Variants in GULP1 observed in about 807,000 individuals in gnomAD.
GULP1 encodes PTB domain-containing engulfment adapter protein 1.
A neutral mutation model predicts 40.9 loss-of-function variants in GULP1; 19 were observed. The observed-to-expected ratio is 0.46, with a 90% CI of 0.32 to 0.68. The LOEUF (loss-of-function observed/expected upper bound fraction) is 0.68, where lower values mean the gene tolerates loss of function less well. GULP1 is among the 30% of genes least tolerant of loss of function. The probability of loss-of-function intolerance (pLI) is 0.03; values close to 1 mark genes in which losing one functional copy is unlikely to be tolerated. For missense variants in GULP1, 312 were observed against 362.2 expected (o/e 0.86, Z 1.12); for synonymous variants, 119 against 117.6 (o/e 1.01, Z -0.08).
chr2:188,311,300 G>A (rs1362157364), intron 1 of GULP1, among the ~76,000 whole-genome samples: 2 of 152,130 alleles, frequency 1.3e-5, no homozygotes, highest in Non-Finnish European at 2.9e-5. Context: ...GGGTTCAAGC[G>A]ATTCTCCTGC....
chr2:188,411,654 A>T (rs995838894), intron 2 of GULP1, among the ~76,000 whole-genome samples: 2 of 152,208 alleles, frequency 1.3e-5, no homozygotes, highest in African/African-American at 4.8e-5. Flanking sequence ...TTTCATCCAC[A>T]TACCTCTTCC....
intron 2 of GULP1, among the ~76,000 whole-genome samples, chr2:188,463,421 C>A (rs1394194746): frequency 6.6e-6 from 1 of 152,090 alleles, no homozygotes; most frequent in African/African-American, 2.4e-5. Context: ...TGTTTCTTTT[C>A]TCTTGCTGCT....
chr2:188,466,119 A>C (rs1575436094), intron 2 of GULP1, among the ~76,000 whole-genome samples: 1 of 152,032 alleles, frequency 6.6e-6, no homozygotes, highest in African/African-American at 2.4e-5. Flanking sequence ...TGCAATGCAA[A>C]GGTCACCAGT....
At chr2:188,519,250 T>G (rs1400679258) in intron 4 of GULP1, among the ~76,000 whole-genome samples, 4 of 152,210 alleles carry the variant, frequency 2.6e-5, no homozygotes, top group Admixed American at 2.6e-4. Context: ...AAAGCTAATG[T>G]GAAATAAACA....
chr2:188,565,855 T>G (rs12987561), intron 7 of GULP1, among the ~76,000 whole-genome samples: 22,355 of 152,084 alleles, frequency 0.15, 2,190 homozygotes, highest in Middle Eastern at 0.23. Flanking sequence ...ACAAAACCAA[T>G]GTGTTATTGA....
intron 1 of GULP1, among the ~76,000 whole-genome samples, chr2:188,339,709 A>C (rs1296894398): frequency 6.6e-6 from 1 of 152,164 alleles, no homozygotes; most frequent in African/African-American, 2.4e-5. Flanking sequence ...GGGTACATGA[A>C]GGTTTACTAT....
intron 2 of GULP1, among the ~76,000 whole-genome samples, chr2:188,428,476 T>C (rs1369747244): frequency 6.6e-6 from 1 of 151,730 alleles, no homozygotes; most frequent in Non-Finnish European, 1.5e-5. Context: ...TGGTGGGAGG[T>C]GATTTGATTA....
At chr2:188,407,480 A>G (rs1444146927) in intron 2 of GULP1, among the ~76,000 whole-genome samples, 1 of 152,200 alleles carries the variant, frequency 6.6e-6, no homozygotes, top group Non-Finnish European at 1.5e-5. Flanking sequence ...GTGTAAAAGG[A>G]TGTAAATTAT....
At chr2:188,363,350 G>A (rs1363988871) in intron 1 of GULP1, among the ~76,000 whole-genome samples, 2 of 152,070 alleles carry the variant, frequency 1.3e-5, no homozygotes, top group Non-Finnish European at 2.9e-5. Flanking sequence ...CAATGGATTG[G>A]AACTAGCAAA....
chr2:188,465,303 A>T (rs2152981671), intron 2 of GULP1, among the ~76,000 whole-genome samples: 1 of 152,124 alleles, frequency 6.6e-6, no homozygotes, highest in Non-Finnish European at 1.5e-5. Context: ...TAGAAATGTC[A>T]TCAGGAAGCT....
chr2:188,400,438 A>G (rs2052061129), intron 2 of GULP1, among the ~76,000 whole-genome samples: 1 of 152,184 alleles, frequency 6.6e-6, no homozygotes, highest in South Asian at 2.1e-4. Flanking sequence ...AGTGGGGTAC[A>G]TTGTTCTGTT....
chr2:188,359,316 G>A (rs547857896), intron 1 of GULP1, among the ~76,000 whole-genome samples: 34 of 152,220 alleles, frequency 2.2e-4, no homozygotes, highest in African/African-American at 7.9e-4. Flanking sequence ...TGTAGTCACT[G>A]ATAATTATTT....
At chr2:188,389,711 C>T (rs72909568) in intron 2 of GULP1, among the ~76,000 whole-genome samples, 1,737 of 152,172 alleles carry the variant, frequency 0.011, 13 homozygotes, top group Non-Finnish European at 0.02. Flanking sequence ...ACACTTGTCA[C>T]CTGAGTAGTG....
intron 11 of GULP1, chr2:188,590,215 C>T (rs1703248429): frequency 6.6e-6 from 1 of 152,246 alleles, no homozygotes; most frequent in Non-Finnish European, 1.5e-5. Flanking sequence ...CTCAAGCGAT[C>T]TACCCACTTA....
chr2:188,555,850 G>T (rs1207429750), intron 7 of GULP1, among the ~76,000 whole-genome samples: 1 of 151,892 alleles, frequency 6.6e-6, no homozygotes, highest in Non-Finnish European at 1.5e-5. Flanking sequence ...AATGAGGTCA[G>T]GAGTTTGAGA....
intron 2 of GULP1, among the ~76,000 whole-genome samples, chr2:188,454,078 G>T (rs1041650272): frequency 1.3e-5 from 2 of 152,218 alleles, no homozygotes; most frequent in Non-Finnish European, 2.9e-5. Flanking sequence ...CCTGCCGCTG[G>T]AGGTACCCTG....
At chr2:188,329,600 G>T (rs926569002) in intron 1 of GULP1, among the ~76,000 whole-genome samples, 1 of 152,114 alleles carries the variant, frequency 6.6e-6, no homozygotes, top group Non-Finnish European at 1.5e-5. Flanking sequence ...ATCACAGAGT[G>T]CCTTTATAGG....
chr2:188,477,442 G>A (rs2061102796), intron 2 of GULP1, among the ~76,000 whole-genome samples: 1 of 152,050 alleles, frequency 6.6e-6, no homozygotes, highest in Non-Finnish European at 1.5e-5. Flanking sequence ...TGAAGAACTT[G>A]GGAGGAATTT....
At chr2:188,514,040 AGTGTGTGT>A (rs1164481151) in intron 4 of GULP1, among the ~76,000 whole-genome samples, 2,481 of 123,070 alleles carry the variant, frequency 0.02, 45 homozygotes, top group Middle Eastern at 0.03. Context: ...TCCCCTTCTG[AGTGTGTGT>A]GTGTGTGTGT....
Sources: allele counts gnomAD v4.1 joint callset (sites outside exome capture counted in the v4.1 genomes callset), GRCh38; gene constraint gnomAD v4.1.1; transcripts MANE v1.5; gene names NCBI Gene and HGNC (gene_info 2026-07-23, HGNC 2026-07-21).